SNX24: variants seen among roughly 807,000 people sequenced by gnomAD.
The protein encoded by SNX24 is sorting nexin 24.
In SNX24, 22 loss-of-function variants were observed where a neutral mutation model predicts 28.7. The ratio of observed to expected loss-of-function variants is 0.77; its 90% CI spans 0.55 to 1.10. SNX24 has a LOEUF of 1.10. Ranked by LOEUF, SNX24 falls within the 50% of genes least tolerant of loss-of-function variation. The probability of loss-of-function intolerance (pLI) is 0.00; values close to 1 mark genes in which losing one functional copy is unlikely to be tolerated. For missense variants in SNX24, 221 were observed against 201.1 expected (o/e 1.10, Z -0.60); for synonymous variants, 69 against 71.5 (o/e 0.96, Z 0.18).
chr5:122,877,530 C>G (rs1172419479), intron 1 of SNX24, among the ~76,000 whole-genome samples: 4 of 152,028 alleles, frequency 2.6e-5, no homozygotes, highest in African/African-American at 9.7e-5. Flanking sequence ...TAGTTGGTAG[C>G]TGAAATAAAA....
intron 3 of SNX24, among the ~76,000 whole-genome samples, chr5:122,948,886 G>C (rs781182570): frequency 2.0e-5 from 3 of 152,066 alleles, no homozygotes; most frequent in Non-Finnish European, 2.9e-5. Flanking sequence ...CTTTACATAA[G>C]GCTCTAACAG....
chr5:122,852,905 G>T (rs1409474299), intron 1 of SNX24, among the ~76,000 whole-genome samples: 2 of 152,084 alleles, frequency 1.3e-5, no homozygotes, highest in Admixed American at 6.6e-5. Flanking sequence ...AGGCATCACA[G>T]TGGGAGAAGG....
intron 3 of SNX24, among the ~76,000 whole-genome samples, chr5:122,984,564 C>A (rs1456803164): frequency 6.6e-6 from 1 of 152,152 alleles, no homozygotes; most frequent in African/African-American, 2.4e-5. Context: ...GACCCAAAAA[C>A]CCTCATAAGG....
At chr5:122,935,206 A>G (rs978061742) in intron 1 of SNX24, among the ~76,000 whole-genome samples, 7 of 152,164 alleles carry the variant, frequency 4.6e-5, no homozygotes, top group Non-Finnish European at 5.9e-5. Flanking sequence ...CCTGATTTCA[A>G]TCTGGGACTG....
chr5:122,884,165 A>G (rs1196478592), intron 1 of SNX24, among the ~76,000 whole-genome samples: 1 of 151,884 alleles, frequency 6.6e-6, no homozygotes, highest in Non-Finnish European at 1.5e-5. Flanking sequence ...TGGTTCCTGT[A>G]GGAATCAGTT....
At chr5:122,910,955 A>G (rs1313445209) in intron 1 of SNX24, among the ~76,000 whole-genome samples, 2 of 152,176 alleles carry the variant, frequency 1.3e-5, no homozygotes, top group Non-Finnish European at 2.9e-5. Context: ...TTATAGCAGC[A>G]TGATTTATAA....
intron 1 of SNX24, among the ~76,000 whole-genome samples, chr5:122,910,492 A>G (rs1757832624): frequency 6.6e-6 from 1 of 151,896 alleles, no homozygotes; most frequent in Admixed American, 6.6e-5. Flanking sequence ...TTATACTTTA[A>G]GTTTTAGGGT....
intron 1 of SNX24, among the ~76,000 whole-genome samples, chr5:122,908,411 G>A (rs899187): frequency 1.5e-4 from 23 of 152,170 alleles, no homozygotes; most frequent in African/African-American, 5.6e-4. Flanking sequence ...TGGGGTAACT[G>A]ATTGGATACT....
At chr5:122,909,661 G>A (rs1757795609) in intron 1 of SNX24, among the ~76,000 whole-genome samples, 1 of 152,110 alleles carries the variant, frequency 6.6e-6, no homozygotes, top group Non-Finnish European at 1.5e-5. Flanking sequence ...CTATTAAGAT[G>A]ACTTCTTGGC....
intron 3 of SNX24, among the ~76,000 whole-genome samples, chr5:122,954,806 T>C (rs1760134704): frequency 1.3e-5 from 2 of 152,276 alleles, no homozygotes; most frequent in Middle Eastern, 3.4e-3. Flanking sequence ...TATTTTATTC[T>C]TGTCTTTAGT....
chr5:122,855,637 A>G (rs1463414772), intron 1 of SNX24, among the ~76,000 whole-genome samples: 2 of 152,084 alleles, frequency 1.3e-5, no homozygotes, highest in Admixed American at 1.3e-4. Flanking sequence ...ATTGCAATCA[A>G]CCCTGTCAAA....
chr5:122,948,304 G>C (rs372633598), intron 3 of SNX24, among the ~76,000 whole-genome samples: 24 of 152,154 alleles, frequency 1.6e-4, no homozygotes, highest in East Asian at 7.7e-4. Flanking sequence ...CATTACACCA[G>C]CTAGAATCCA....
chr5:123,009,420 G>T (rs972129885), downstream of SNX24, among the ~76,000 whole-genome samples: 1 of 152,144 alleles, frequency 6.6e-6, no homozygotes. Context: ...AAGATAATAA[G>T]AATTTTTTTG....
rs183211098 is a variant in SNX24, at chr5:122,904,646, A to G, written c.61-32088A>G. Reference sequence around the variant, plus strand: ...GCAGTTACAGCTTTTTCTGTATTTTATAGACTCATTAATAATTTACATGAT... The same window carrying G: ...GCAGTTACAGCTTTTTCTGTATTTTGTAGACTCATTAATAATTTACATGAT... On this transcript the variant is annotated intron_variant, in intron 1 of 6. Transcript: ENST00000261369. 5.9e-5 allele frequency among the ~76,000 whole-genome samples: 9 copies of G among 152,284 alleles called. No homozygotes were observed. The East Asian group carries it at 1.7e-3, about 29-fold the overall frequency.
intron 3 of SNX24, among the ~76,000 whole-genome samples, chr5:122,973,251 C>T (rs1312506558): frequency 4.6e-5 from 7 of 152,214 alleles, no homozygotes; most frequent in South Asian, 2.1e-4. Context: ...AAACCATTGG[C>T]TATAGCCCGT....
chr5:123,000,830 T>C (rs1762220839), intron 4 of SNX24, among the ~76,000 whole-genome samples: 1 of 152,126 alleles, frequency 6.6e-6, no homozygotes, highest in Admixed American at 6.5e-5. Flanking sequence ...GAGAGAGGTT[T>C]ACCCATTTTC....
intron 3 of SNX24, among the ~76,000 whole-genome samples, chr5:122,992,066 T>G (rs1761877190): frequency 6.6e-6 from 1 of 152,200 alleles, no homozygotes; most frequent in Non-Finnish European, 1.5e-5. Flanking sequence ...TAAATGTCAG[T>G]AAATATTTGG....
intron 1 of SNX24, among the ~76,000 whole-genome samples, chr5:122,856,138 T>A (rs186205706): frequency 6.6e-6 from 1 of 152,290 alleles, no homozygotes; most frequent in Non-Finnish European, 1.5e-5. Flanking sequence ...TCGCAAGTAA[T>A]CCCTGGTGTC....
At chr5:122,905,887 T>C (rs1167127000) in intron 1 of SNX24, among the ~76,000 whole-genome samples, 1 of 152,218 alleles carries the variant, frequency 6.6e-6, no homozygotes, top group Admixed American at 6.5e-5. Flanking sequence ...TTTATAGTAA[T>C]CCATTGAGTT....
Sources: gnomAD v4.1 joint callset for allele counts (sites outside exome capture counted in the v4.1 genomes callset) on GRCh38, gnomAD v4.1.1 for gene constraint, MANE v1.5 for transcripts, NCBI Gene and HGNC (gene_info 2026-07-23, HGNC 2026-07-21) for gene names.